Variants in CLUL1 observed in about 807,000 individuals in gnomAD.
CLUL1 encodes clusterin like 1.
CLUL1 carries 43 observed loss-of-function variants against 49.4 expected under a neutral mutation model. The ratio of observed to expected loss-of-function variants is 0.87; its 90% CI spans 0.68 to 1.12. CLUL1 has a LOEUF of 1.12. CLUL1 is among the 50% of genes most tolerant of loss of function. CLUL1 has a pLI of 0.00. For synonymous variants in CLUL1, 192 were observed against 184.9 expected (o/e 1.04, Z -0.31); for missense variants, 486 against 544.4 (o/e 0.89, Z 1.07).
chr18:641,996 G>A (rs1432680446), intron 8 of CLUL1, among the ~76,000 whole-genome samples: 10 of 152,286 alleles, frequency 6.6e-5, no homozygotes, highest in African/African-American at 2.2e-4. Flanking sequence ...CTATCTTAAC[G>A]TGTACACCTA....
chr18:630,115 TA>T (rs2073947862), intron 6 of CLUL1, among the ~76,000 whole-genome samples: 1 of 152,176 alleles, frequency 6.6e-6, no homozygotes, highest in Non-Finnish European at 1.5e-5. Flanking sequence ...TATTTTTATT[TA>T]TTTATTTTTT....
At chr18:647,364 T>A (rs2074537602) in intron 9 of CLUL1, among the ~76,000 whole-genome samples, 1 of 152,188 alleles carries the variant, frequency 6.6e-6, no homozygotes, top group Non-Finnish European at 1.5e-5. Flanking sequence ...TTTGAGTTCT[T>A]TCTTTGGTTG....
chr18:603,657 C>CGT (rs1211940884), intron 1 of CLUL1, among the ~76,000 whole-genome samples: 3 of 152,084 alleles, frequency 2.0e-5, no homozygotes, highest in Non-Finnish European at 4.4e-5. Flanking sequence ...TAGATGCACT[C>CGT]GTGTGTGTGT....
At chr18:599,464 C>T (rs772525025) in intron 1 of CLUL1, among the ~76,000 whole-genome samples, 1 of 152,064 alleles carries the variant, frequency 6.6e-6, no homozygotes, top group Non-Finnish European at 1.5e-5. Context: ...AGATAGCTTT[C>T]ATTATTATTA....
At position 649,904 on chromosome 18, in the gene CLUL1, A is replaced by G; in HGVS notation, c.*3A>G. 1 of 1,392,486 alleles carries G rather than the reference A, an allele frequency of 7.2e-7. No individual in the cohort carries two copies. Among genetic ancestry groups the G allele is most frequent in the Non-Finnish European group, 1.0e-6 (1 of 992,662 alleles). 86.3% of individuals were successfully genotyped at this position (1,392,486 alleles called of 1,614,324 possible). A position where few individuals can be genotyped will look rare whatever the true frequency, so the allele number is the denominator to read the frequency against. Reference sequence around the variant, plus strand: ...CTTTTTTTTTTTTTTTAAGGTAAGAAGATCTAATGCATCCTATATCCAGTA... The same window carrying G: ...CTTTTTTTTTTTTTTTAAGGTAAGAGGATCTAATGCATCCTATATCCAGTA... On this transcript the variant is annotated 3_prime_UTR_variant, in exon 10 of 10. Transcript: ENST00000692774.
chr18:635,085 T>A (rs1476434247), intron 7 of CLUL1, among the ~76,000 whole-genome samples: 1 of 152,140 alleles, frequency 6.6e-6, no homozygotes, highest in Non-Finnish European at 1.5e-5. Flanking sequence ...GGCAAGTCAT[T>A]TATGCTGTCT....
chr18:604,598 G>A (rs1383541201), intron 1 of CLUL1, among the ~76,000 whole-genome samples: 1 of 152,102 alleles, frequency 6.6e-6, no homozygotes, highest in Non-Finnish European at 1.5e-5. Flanking sequence ...CTTTTCAAAT[G>A]AAAACAGTAA....
At position 612,985 on chromosome 18, in the gene CLUL1, T is replaced by A. The variant is rs183442143; in HGVS notation, c.-13-5003T>A. 5 of 272,494 alleles carry A rather than the reference T, an allele frequency of 1.8e-5. No homozygotes were observed. In the East Asian group the frequency reaches 2.4e-4, roughly 13 times the overall value. The allele number at this position is 272,494 out of a possible 1,614,324, so 16.9% of individuals were successfully genotyped here. ...AATAATTAAATTTGTGTAGTGCTGATCTAAACAGATAAATTCTGGCTTCAT... is the reference window on the plus strand; with the variant it reads ...AATAATTAAATTTGTGTAGTGCTGAACTAAACAGATAAATTCTGGCTTCAT... On this transcript the variant is annotated intron_variant, in intron 2 of 9. Coordinates refer to ENST00000692774, the MANE Select transcript of CLUL1 (RefSeq NM_001393344.1).
At position 610,770 on chromosome 18, in the gene CLUL1, C is replaced by T. The variant is rs184252327; in HGVS notation, c.-14+3671C>T. ...ATGAATCCAAGGCTGGGGGAGGTGG[C>T]TCACGCCTGTAATCCCCACACCTTG... On this transcript the variant is annotated intron_variant, in intron 2 of 9. Transcript: ENST00000692774. Among the ~76,000 whole-genome samples, 5 of 152,270 alleles carry T rather than the reference C, an allele frequency of 3.3e-5. No homozygotes were observed. The East Asian group carries it at 9.7e-4, about 29-fold the overall frequency.
chr18:627,495 G>A lies in CLUL1; in HGVS notation c.822G>A (p.Leu274=). Residue 274 remains leucine (L), a synonymous_variant, in exon 6 of 10, where the codon CTG becomes CTA. Transcript: ENST00000692774. ...ESVSETITKM[L]KAIEDLPKQD... is the part of the protein sequence containing the mutation. ...TCAGTGAAACAATTACTAAGATGCT[G>A]AAGGCAATAGAAGATTTACCAAAAC... 6.2e-7 allele frequency: 1 copy of A among 1,610,072 alleles called. No homozygotes were observed. The highest frequency in any genetic ancestry group is 1.1e-5 in the South Asian group (1 of 90,640).
At position 606,606 on chromosome 18, in the gene CLUL1, T is replaced by C. The variant is rs1258348480; in HGVS notation, c.-135-372T>C. Among the ~76,000 whole-genome samples the C allele has an allele frequency of 1.3e-5, 2 of 152,272 alleles. No individual in the cohort carries two copies. The highest frequency in any genetic ancestry group is 2.9e-5 in the Non-Finnish European group (2 of 68,018). On this transcript the variant is annotated intron_variant, in intron 1 of 9. Transcript: ENST00000692774. The surrounding 1 kb of genome is among the most constrained non-coding windows in gnomAD (Gnocchi z 4.1). Reference sequence around the variant, plus strand: ...CAGTCAGCTTCCCAGTAATCAAGCCTGGCTTTCTCACCCAGGGCTCGCCCC... The same window carrying C: ...CAGTCAGCTTCCCAGTAATCAAGCCCGGCTTTCTCACCCAGGGCTCGCCCC...
At chr18:622,248 TGA>T (rs2073511028) in intron 4 of CLUL1, among the ~76,000 whole-genome samples, 2 of 152,132 alleles carry the variant, frequency 1.3e-5, no homozygotes, top group African/African-American at 2.4e-5. Context: ...TAATATTTAG[TGA>T]GACTATCTGA....
At chr18:635,735 C>G (rs2074116763) in intron 7 of CLUL1, among the ~76,000 whole-genome samples, 1 of 152,096 alleles carries the variant, frequency 6.6e-6, no homozygotes, top group South Asian at 2.1e-4. Flanking sequence ...TCGCGCCGTT[C>G]AGAGAAAAGG....
At chr18:646,146 A>T (rs1352229544) in intron 9 of CLUL1, among the ~76,000 whole-genome samples, 1 of 151,852 alleles carries the variant, frequency 6.6e-6, no homozygotes, top group East Asian at 1.9e-4. Flanking sequence ...ATCACACTGC[A>T]CGGCTTCCTG....
intron 7 of CLUL1, among the ~76,000 whole-genome samples, chr18:633,839 G>A (rs1447314073): frequency 8.6e-6 from 1 of 115,828 alleles, no homozygotes; most frequent in Non-Finnish European, 1.8e-5. Context: ...AATGAATCAG[G>A]GCGGAGCGTG....
chr18:632,810 G>T (rs778288758), intron 6 of CLUL1, among the ~76,000 whole-genome samples: 1 of 152,108 alleles, frequency 6.6e-6, no homozygotes, highest in Non-Finnish European at 1.5e-5. Context: ...TTTAATAGCT[G>T]TTCAGTTGTC....
intron 9 of CLUL1, among the ~76,000 whole-genome samples, chr18:648,547 C>T (rs2074582799): frequency 1.3e-5 from 2 of 152,010 alleles, no homozygotes; most frequent in Admixed American, 6.6e-5. Flanking sequence ...AATAGAATTA[C>T]TTGTTTAGAG....
chr18:631,685 G>C (rs1598433934), intron 6 of CLUL1, among the ~76,000 whole-genome samples: 1 of 152,168 alleles, frequency 6.6e-6, no homozygotes, highest in East Asian at 1.9e-4. Flanking sequence ...CTGACTTCCA[G>C]GAGCTCAGTC....
chr18:633,278 A>G lies in CLUL1; in HGVS notation c.857-20A>G, dbSNP rs1331148298. 1 of 1,591,566 alleles carries G rather than the reference A, an allele frequency of 6.3e-7. No individual in the cohort carries two copies. The highest frequency in any genetic ancestry group is 8.6e-7 in the Non-Finnish European group (1 of 1,169,224). ...GCAAACTCTTATGACACTAACGTGTAAATGTTATGTTCCCTGTAGCTCCTG... is the reference window on the plus strand; with the variant it reads ...GCAAACTCTTATGACACTAACGTGTGAATGTTATGTTCCCTGTAGCTCCTG... On this transcript the variant is annotated intron_variant, in intron 6 of 9. Coordinates refer to ENST00000692774, the MANE Select transcript of CLUL1 (RefSeq NM_001393344.1).
Sources: allele counts gnomAD v4.1 joint callset (sites outside exome capture counted in the v4.1 genomes callset), GRCh38; gene constraint gnomAD v4.1.1; non-coding constraint Gnocchi (gnomAD v3.1); transcripts MANE v1.5; gene names NCBI Gene and HGNC (gene_info 2026-07-23, HGNC 2026-07-21).